SLC23A2: variants seen among roughly 807,000 people sequenced by gnomAD.
SLC23A2 encodes the protein Na(+)/L-ascorbic acid transporter 2.
A neutral mutation model predicts 73.3 loss-of-function variants in SLC23A2; 36 were observed. The ratio of observed to expected loss-of-function variants is 0.49; its 90% CI spans 0.38 to 0.65. The LOEUF is 0.65. SLC23A2 is among the 30% of genes least tolerant of loss of function. The pLI is 0.00. For missense variants in SLC23A2, 507 were observed against 841.6 expected (o/e 0.60, Z 4.92); for synonymous variants, 343 against 327.3 (o/e 1.05, Z -0.52).
At chr20:4,938,030 CTTT>C (rs372042944) in intron 2 of SLC23A2, among the ~76,000 whole-genome samples, 19 of 138,216 alleles carry the variant, frequency 1.4e-4, no homozygotes, top group African/African-American at 3.0e-4. Context: ...CTCATTCCAT[CTTT>C]TTTTTTTTTT....
intron 9 of SLC23A2, among the ~76,000 whole-genome samples, chr20:4,881,142 G>A (rs1430761162): frequency 1.3e-5 from 2 of 152,226 alleles, no homozygotes; most frequent in African/African-American, 2.4e-5. Context: ...GCCATTCACC[G>A]AAAGGAGGAA....
intron 9 of SLC23A2, among the ~76,000 whole-genome samples, chr20:4,877,582 G>A (rs1333031177): frequency 6.6e-6 from 1 of 152,014 alleles, no homozygotes; most frequent in East Asian, 1.9e-4. Context: ...AGATTTTTTT[G>A]AGAGATGGAG....
At chr20:4,966,835 C>CACAT (rs1555806638) in intron 2 of SLC23A2, among the ~76,000 whole-genome samples, 2 of 147,338 alleles carry the variant, frequency 1.4e-5, no homozygotes, top group South Asian at 2.2e-4. Flanking sequence ...CACACACACA[C>CACAT]ACACACACAC....
rs1000084792 is a variant in SLC23A2 at position 4,981,923 on chromosome 20, G to A, written c.-281-11004C>T. Among the ~76,000 whole-genome samples, 22 of 151,924 alleles carry A rather than the reference G, an allele frequency of 1.4e-4. 1 individual carries two copies. The highest frequency in any genetic ancestry group is 3.2e-3 in the Middle Eastern group (1 of 316). ...TCACCGTGATAGCCAGGATGGTCTCGATTTCCTGACCTCACGATCTGCCCA... is the reference window on the plus strand; with the variant it reads ...TCACCGTGATAGCCAGGATGGTCTCAATTTCCTGACCTCACGATCTGCCCA... On this transcript the variant is annotated intron_variant, in intron 1 of 16. Transcript: ENST00000338244.
chr20:4,891,783 T>C (rs1287686096), intron 6 of SLC23A2, among the ~76,000 whole-genome samples: 2 of 152,248 alleles, frequency 1.3e-5, no homozygotes, highest in Non-Finnish European at 2.9e-5. Flanking sequence ...AGGGTATCGC[T>C]CTGTCACTCA....
In SLC23A2 at chr20:4,996,698, A is replaced by C. The variant is rs6053026; in HGVS notation, c.-282+4708T>G. Among the ~76,000 whole-genome samples, 68 of 127,810 alleles carry C rather than the reference A, an allele frequency of 5.3e-4. 1 individual carries two copies. The highest frequency in any genetic ancestry group is 8.3e-4 in the African/African-American group (32 of 38,486). The allele number at this position is 127,810 out of a possible 152,430, so 83.8% of individuals were successfully genotyped here. On this transcript the variant is annotated intron_variant, in intron 1 of 16. Transcript: ENST00000338244. ...AAGATTCCATCTCAAAAAAAAAAAA[A>C]AAAAAAAAAAACAACAACTCATGAG...
In SLC23A2 at chr20:4,856,804, C is replaced by T. The variant is rs936158471; in HGVS notation, c.*168G>A. ...AAATAAGGAGATAGGCGAGACACCG[C>T]ATCAGGCACCATCACCCTCACAGCA... is the stretch of plus-strand genomic sequence containing the variant. On this transcript the variant is annotated 3_prime_UTR_variant, in exon 17 of 17. Coordinates refer to ENST00000338244, the MANE Select transcript of SLC23A2 (RefSeq NM_005116.6). The surrounding 1 kb of genome is among the most constrained non-coding windows in gnomAD (Gnocchi z 4.6). 16 of 600,976 alleles carry T rather than the reference C, an allele frequency of 2.7e-5. No individual in the cohort carries two copies. Among genetic ancestry groups the T allele is most frequent in the Admixed American group, 2.1e-4 (7 of 33,744 alleles). The allele number at this position is 600,976 out of a possible 1,614,324, so 37.2% of individuals were successfully genotyped here.
Position 4,874,220 on chromosome 20 carries a change from T to C in SLC23A2, c.946-128A>G, listed in dbSNP as rs6052950. On this transcript the variant is annotated intron_variant, in intron 10 of 16. Coordinates refer to ENST00000338244, the MANE Select transcript of SLC23A2 (RefSeq NM_005116.6). ...ACAGTCAGTACTTTGCAGACCTTCCTTGAATGGACTCTCACTGAGAGAGCA... is the reference window on the plus strand; with the variant it reads ...ACAGTCAGTACTTTGCAGACCTTCCCTGAATGGACTCTCACTGAGAGAGCA... 1,790 of 708,506 alleles carry C rather than the reference T, an allele frequency of 2.5e-3. 27 individuals carry two copies. The African/African-American group carries it at 0.031, about 12-fold the overall frequency. 43.9% of individuals were successfully genotyped at this position (708,506 alleles called of 1,614,324 possible).
chr20:4,919,350 C>A (rs913699410), intron 3 of SLC23A2, among the ~76,000 whole-genome samples: 1 of 152,154 alleles, frequency 6.6e-6, no homozygotes, highest in Non-Finnish European at 1.5e-5. Flanking sequence ...CTCGCCTGGC[C>A]CAGCCTGGTC....
At chr20:4,963,591 TA>T (rs1398514949) in intron 2 of SLC23A2, among the ~76,000 whole-genome samples, 11 of 152,068 alleles carry the variant, frequency 7.2e-5, no homozygotes, top group Admixed American at 2.6e-4. Flanking sequence ...CTCACGCCTA[TA>T]ATTCCAGCAG....
chr20:4,963,221 A>G (rs1450266205), intron 2 of SLC23A2, among the ~76,000 whole-genome samples: 1 of 152,204 alleles, frequency 6.6e-6, no homozygotes, highest in Non-Finnish European at 1.5e-5. Flanking sequence ...AGCACAATTC[A>G]TGCCAAATGT....
intron 4 of SLC23A2, among the ~76,000 whole-genome samples, chr20:4,908,859 G>T (rs1429972086): frequency 6.6e-6 from 1 of 152,196 alleles, no homozygotes. Context: ...GCTTGAAACT[G>T]GGGGGCGGAG....
chr20:4,887,845 T>C (rs1046230400), intron 6 of SLC23A2, among the ~76,000 whole-genome samples: 4 of 152,210 alleles, frequency 2.6e-5, no homozygotes, highest in African/African-American at 4.8e-5. Flanking sequence ...TGTCACTGGC[T>C]TGACTGAAAC....
At chr20:4,983,680 C>A (rs1268032784) in intron 1 of SLC23A2, among the ~76,000 whole-genome samples, 1 of 142,838 alleles carries the variant, frequency 7.0e-6, no homozygotes, top group Non-Finnish European at 1.5e-5. Context: ...ACAAGCAAGG[C>A]CAGGTTCGGC....
At chr20:4,858,441 G>A (rs756826011) in intron 16 of SLC23A2, among the ~76,000 whole-genome samples, 2 of 152,140 alleles carry the variant, frequency 1.3e-5, no homozygotes, top group African/African-American at 2.4e-5. Context: ...GAGAGTAGTC[G>A]TTATGGACTC....
At position 4,855,859 on chromosome 20, in the gene SLC23A2, G is replaced by A. The variant is rs753179418; in HGVS notation, c.*1113C>T. 1 of 152,540 alleles carries A rather than the reference G, an allele frequency of 6.6e-6. No homozygotes were observed. The highest frequency in any genetic ancestry group is 1.5e-5 in the Non-Finnish European group (1 of 68,040). The allele number at this position is 152,540 out of a possible 1,614,324, so 9.4% of individuals were successfully genotyped here. ...AGTATTTACACTTTCATGGTATCAA[G>A]CAATACAAAACACAACCACAACAAT... is the stretch of plus-strand genomic sequence containing the variant. On this transcript the variant is annotated 3_prime_UTR_variant, in exon 17 of 17. Coordinates refer to ENST00000338244, the MANE Select transcript of SLC23A2 (RefSeq NM_005116.6).
chr20:4,918,746 C>T (rs1371188743), intron 3 of SLC23A2, among the ~76,000 whole-genome samples: 1 of 152,192 alleles, frequency 6.6e-6, no homozygotes, highest in African/African-American at 2.4e-5. Context: ...CAAAACCCCA[C>T]ACCTCCAATG....
intron 16 of SLC23A2, among the ~76,000 whole-genome samples, chr20:4,858,428 A>C (rs897203917): frequency 2.6e-5 from 4 of 152,146 alleles, no homozygotes; most frequent in Non-Finnish European, 5.9e-5. Context: ...CTTAGGAGAG[A>C]AAGAGAGTAG....
At chr20:4,895,717 C>T (rs1931493248) in intron 6 of SLC23A2, among the ~76,000 whole-genome samples, 1 of 152,122 alleles carries the variant, frequency 6.6e-6, no homozygotes, top group Non-Finnish European at 1.5e-5. Context: ...GGTTAGAATT[C>T]CATAAAAGTA....
Sources: allele counts gnomAD v4.1 joint callset (sites outside exome capture counted in the v4.1 genomes callset), GRCh38; gene constraint gnomAD v4.1.1; non-coding constraint Gnocchi (gnomAD v3.1); transcripts MANE v1.5; gene names NCBI Gene and HGNC (gene_info 2026-07-23, HGNC 2026-07-21).